Variants in MCF2L2 observed in about 807,000 individuals in gnomAD.
MCF2L2 encodes the protein probable guanine nucleotide exchange factor MCF2L2.
In MCF2L2, 102 loss-of-function variants were observed where a neutral mutation model predicts 150.2. That is an observed-to-expected ratio of 0.68 (90% CI 0.58 to 0.80). The LOEUF is 0.80. Among genes scored for constraint, MCF2L2 ranks in the 30% least tolerant of loss-of-function variants. MCF2L2 has a pLI of 0.00. For synonymous variants in MCF2L2, 465 were observed against 491.3 expected (o/e 0.95, Z 0.71); for missense variants, 1,256 against 1,372.8 (o/e 0.91, Z 1.34).
Position 183,295,339 on chromosome 3 carries a change from T to C in MCF2L2, c.1636A>G (p.Lys546Glu). The C allele has an allele frequency of 6.2e-7, 1 of 1,611,962 alleles. No individual in the cohort carries two copies. Among genetic ancestry groups the C allele is most frequent in the Non-Finnish European group, 8.5e-7 (1 of 1,179,096 alleles). Residue 546 changes from lysine to glutamate, a missense_variant, in exon 13 of 30, where the codon AAA (lysine) becomes GAA (glutamate). Coordinates refer to ENST00000328913, the MANE Select transcript of MCF2L2 (RefSeq NM_015078.4). Reference sequence around the variant, plus strand: ...TGGCTGGTTTTTGATGACACCCATTTTGGTGAAGACTCAGGATGTGGGGCC... The same window carrying C: ...TGGCTGGTTTTTGATGACACCCATTCTGGTGAAGACTCAGGATGTGGGGCC... ...PVAPHPESSP[K>E]WVSSKTSQPS... is the part of the protein sequence containing the mutation.
chr3:183,390,602 C>T (rs957461764), intron 1 of MCF2L2, among the ~76,000 whole-genome samples: 1 of 152,138 alleles, frequency 6.6e-6, no homozygotes, highest in Non-Finnish European at 1.5e-5. Flanking sequence ...AAGATATTAT[C>T]TTCATTCAAT....
At chr3:183,272,894 T>TA (rs1726904957) in intron 15 of MCF2L2, 1 of 1,322,718 alleles carries the variant, frequency 7.6e-7, no homozygotes, top group Non-Finnish European at 9.7e-7. Flanking sequence ...GTGAAACAAT[T>TA]ATTTATTTGC....
intron 3 of MCF2L2, among the ~76,000 whole-genome samples, chr3:183,360,294 G>T (rs1032172924): frequency 1.3e-5 from 2 of 152,272 alleles, no homozygotes; most frequent in South Asian, 2.1e-4. Context: ...GGGGTAGAAG[G>T]GGGTGGCTCA....
At chr3:183,222,778 C>G (rs1469358320) in intron 20 of MCF2L2, among the ~76,000 whole-genome samples, 1 of 152,056 alleles carries the variant, frequency 6.6e-6, no homozygotes, top group Non-Finnish European at 1.5e-5. Flanking sequence ...GCCCTCATAT[C>G]CTGTTTGGAG....
At chr3:183,233,293 A>T (rs1450355678) in intron 15 of MCF2L2, among the ~76,000 whole-genome samples, 1 of 151,738 alleles carries the variant, frequency 6.6e-6, no homozygotes, top group Non-Finnish European at 1.5e-5. Flanking sequence ...TGGAGATTGC[A>T]GTGAGCCGAG....
At chr3:183,360,015 G>A (rs557219852) in intron 3 of MCF2L2, among the ~76,000 whole-genome samples, 1 of 152,290 alleles carries the variant, frequency 6.6e-6, no homozygotes, top group East Asian at 1.9e-4. Context: ...ATTAACCAAT[G>A]ATGAAATAGC....
chr3:183,381,915 A>T (rs1713549953), intron 2 of MCF2L2, among the ~76,000 whole-genome samples: 1 of 152,198 alleles, frequency 6.6e-6, no homozygotes, highest in Non-Finnish European at 1.5e-5. Context: ...GTCTTTGAAA[A>T]GCTAAATTAA....
At chr3:183,255,585 C>A (rs1401937557) in intron 15 of MCF2L2, among the ~76,000 whole-genome samples, 2 of 152,194 alleles carry the variant, frequency 1.3e-5, no homozygotes, top group South Asian at 4.1e-4. Flanking sequence ...CAGGAAAGGC[C>A]CAAGCCAAAG....
intron 3 of MCF2L2, chr3:183,377,519 C>T (rs1713258024): frequency 6.6e-6 from 1 of 152,194 alleles, no homozygotes; most frequent in Non-Finnish European, 1.5e-5. Flanking sequence ...GTGTTGGGCA[C>T]TGTGCTAGGG....
At chr3:183,344,146 C>A (rs1474419967) in intron 3 of MCF2L2, among the ~76,000 whole-genome samples, 2 of 151,882 alleles carry the variant, frequency 1.3e-5, no homozygotes, top group South Asian at 2.1e-4. Context: ...ACCACCCCCC[C>A]CAAAAAAAGT....
chr3:183,251,040 C>T (rs1724497302), intron 15 of MCF2L2, among the ~76,000 whole-genome samples: 1 of 152,188 alleles, frequency 6.6e-6, no homozygotes, highest in Non-Finnish European at 1.5e-5. Flanking sequence ...TGCTAACTTG[C>T]CAGAGATCCT....
At chr3:183,381,575 G>A (rs1289923388) in intron 2 of MCF2L2, among the ~76,000 whole-genome samples, 1 of 152,230 alleles carries the variant, frequency 6.6e-6, no homozygotes, top group Non-Finnish European at 1.5e-5. Flanking sequence ...AGTTAGCGCT[G>A]TGGTTTTTCT....
Position 183,256,628 on chromosome 3 carries a change from A to T in MCF2L2, c.1862+20244T>A, listed in dbSNP as rs1256719729. Among the ~76,000 whole-genome samples, 5 of 152,194 alleles carry T rather than the reference A, an allele frequency of 3.3e-5. No individual in the cohort carries two copies. In the East Asian group the frequency reaches 9.6e-4, roughly 29 times the overall value. On this transcript the variant is annotated intron_variant, in intron 15 of 29. Coordinates refer to ENST00000328913, the MANE Select transcript of MCF2L2 (RefSeq NM_015078.4). ...AAGCCCAAAAGTTCAAGTTCAAAAT[A>T]CTGTTCTACAGCCTAAGATCCACCT...
chr3:183,204,940 TAG>T (rs1031696600), intron 25 of MCF2L2, among the ~76,000 whole-genome samples: 3 of 152,102 alleles, frequency 2.0e-5, no homozygotes, highest in Non-Finnish European at 4.4e-5. Context: ...AAACATCCAA[TAG>T]AGACAGGAAA....
chr3:183,336,554 G>GAT (rs2108535837), intron 5 of MCF2L2, among the ~76,000 whole-genome samples: 1 of 152,054 alleles, frequency 6.6e-6, no homozygotes, highest in South Asian at 2.1e-4. Flanking sequence ...ACCCAATCAA[G>GAT]ATATGGAACC....
At chr3:183,350,269 A>T (rs1008638836) in intron 3 of MCF2L2, among the ~76,000 whole-genome samples, 3 of 152,094 alleles carry the variant, frequency 2.0e-5, no homozygotes, top group African/African-American at 7.2e-5. Context: ...TAAGGTATAC[A>T]TGCTAGACAA....
chr3:183,178,041 T>C lies in MCF2L2; in HGVS notation c.*1339A>G, dbSNP rs1358403552. The C allele has an allele frequency of 6.6e-6, 1 of 152,192 alleles. No homozygotes were observed. The highest frequency in any genetic ancestry group is 2.4e-5 in the African/African-American group (1 of 41,456). The allele number at this position is 152,192 out of a possible 1,614,324, so 9.4% of individuals were successfully genotyped here. A position where few individuals can be genotyped will look rare whatever the true frequency, so the allele number is the denominator to read the frequency against. On this transcript the variant is annotated 3_prime_UTR_variant, in exon 30 of 30. Coordinates refer to ENST00000328913, the MANE Select transcript of MCF2L2 (RefSeq NM_015078.4). ...CTGAAAATAAATAACTTGACAGTAG[T>C]TCATGAACTTCCAGTGAGTGTTTAA...
At chr3:183,333,132 C>T (rs149050931) in intron 5 of MCF2L2, among the ~76,000 whole-genome samples, 16 of 152,120 alleles carry the variant, frequency 1.1e-4, no homozygotes, top group African/African-American at 2.9e-4. Context: ...CTGCAACCTC[C>T]GCCTCCCAGG....
intron 10 of MCF2L2, among the ~76,000 whole-genome samples, chr3:183,304,766 G>A (rs149947512): frequency 2.6e-5 from 4 of 151,500 alleles, no homozygotes; most frequent in Non-Finnish European, 5.9e-5. Context: ...GAGCCACCGC[G>A]CCTGGTCTGG....
Sources: gnomAD v4.1 joint callset for allele counts (sites outside exome capture counted in the v4.1 genomes callset) on GRCh38, gnomAD v4.1.1 for gene constraint, MANE v1.5 for transcripts, NCBI Gene and HGNC (gene_info 2026-07-23, HGNC 2026-07-21) for gene names.